The following LARP1 variants were observed in gnomAD, a reference collection of about 807,000 sequenced individuals.
LARP1 encodes the protein la-related protein 1.
Under a neutral mutation model 122.7 loss-of-function variants are expected in LARP1, and 36 were observed. That is an observed-to-expected ratio of 0.29 (90% CI 0.22 to 0.39). The LOEUF is 0.39. LARP1 is among the 10% of genes least tolerant of loss of function. The probability of loss-of-function intolerance (pLI) is 1.00; values close to 1 mark genes in which losing one functional copy is unlikely to be tolerated. For missense variants in LARP1, 1,040 were observed against 1,403.6 expected (o/e 0.74, Z 4.14); for synonymous variants, 539 against 528.7 (o/e 1.02, Z -0.27).
chr5:154,804,042 C>T (rs1371017558), intron 13 of LARP1, among the ~76,000 whole-genome samples, 159 bp from the exon 14 acceptor site: 1 of 152,146 alleles, frequency 6.6e-6, no homozygotes, highest in African/African-American at 2.4e-5. Flanking sequence ...ATAGGCATAC[C>T]AGTTCCTAGC....
chr5:154,777,849 T>A (rs74643014), intron 1 of LARP1, among the ~76,000 whole-genome samples: 6,657 of 152,220 alleles, frequency 0.044, 201 homozygotes, highest in Non-Finnish European at 0.065. Context: ...ATTAAAAAAA[T>A]ATATATAATA....
At chr5:154,800,948 T>C (rs1293136432) in intron 10 of LARP1, among the ~76,000 whole-genome samples, 1 of 152,240 alleles carries the variant, frequency 6.6e-6, no homozygotes, top group African/African-American at 2.4e-5. Flanking sequence ...AGAAAGGTAG[T>C]AAGTAGATGA....
intron 7 of LARP1, among the ~76,000 whole-genome samples, 169 bp downstream of exon 7, chr5:154,794,431 G>A (rs1757586967): frequency 6.6e-6 from 1 of 152,176 alleles, no homozygotes; most frequent in African/African-American, 2.4e-5. Flanking sequence ...CATTCTCATT[G>A]TTTATTACAG....
chr5:154,794,013 C>T lies in LARP1; in HGVS notation c.1069+13C>T, dbSNP rs1757553284. 3 of 1,608,372 alleles carry T rather than the reference C, an allele frequency of 1.9e-6. No individual in the cohort carries two copies. The highest frequency in any genetic ancestry group is 1.1e-5 in the South Asian group (1 of 90,522). On this transcript the variant is annotated intron_variant, in intron 6 of 18. Transcript: ENST00000518297. ...GGTGGCACTCGAAGTACGTGAGGCC[C>T]CTTTGGGCTCCGGGATGTCCAAGGG...
intron 8 of LARP1, among the ~76,000 whole-genome samples, chr5:154,796,508 A>C (rs1428904208): frequency 6.6e-6 from 1 of 151,966 alleles, no homozygotes; most frequent in Non-Finnish European, 1.5e-5. Flanking sequence ...GTTCATCTGT[A>C]CTCCAAGTTT....
intron 1 of LARP1, among the ~76,000 whole-genome samples, chr5:154,756,845 T>C (rs1214018075): frequency 1.3e-5 from 2 of 152,098 alleles, no homozygotes; most frequent in African/African-American, 2.4e-5. Context: ...CCCGGGCACC[T>C]TCCGCCTTAA....
intron 1 of LARP1, among the ~76,000 whole-genome samples, chr5:154,718,063 G>A (rs905979690): frequency 1.3e-5 from 2 of 151,910 alleles, no homozygotes; most frequent in Non-Finnish European, 1.5e-5. Context: ...GACTACAGGT[G>A]TAGGCCACCA....
At chr5:154,797,218 GTTGTTTTTTTTTTT>G (rs1561617931) in intron 8 of LARP1, among the ~76,000 whole-genome samples, 19 of 66,238 alleles carry the variant, frequency 2.9e-4, no homozygotes. Flanking sequence ...TTTTGTTGTT[GTTGTTTTTTTTTTT>G]TTTTTTTTTT....
At chr5:154,714,917 C>T (rs1255584716) in intron 1 of LARP1, among the ~76,000 whole-genome samples, 6 of 152,174 alleles carry the variant, frequency 3.9e-5, no homozygotes, top group African/African-American at 9.7e-5. Flanking sequence ...CGGTGGCTCA[C>T]GCCTATAATC....
chr5:154,694,842 G>T (rs1297682207), intron 1 of LARP1, among the ~76,000 whole-genome samples: 2 of 150,284 alleles, frequency 1.3e-5, no homozygotes, highest in Non-Finnish European at 3.0e-5. Flanking sequence ...TTGGTTTATT[G>T]TTTTTTTTTA....
chr5:154,780,030 C>T (rs547473366), intron 1 of LARP1, among the ~76,000 whole-genome samples: 5 of 152,242 alleles, frequency 3.3e-5, no homozygotes, highest in Admixed American at 2.0e-4. Flanking sequence ...TTAGCAGCTC[C>T]TGGGAAGCAA....
At chr5:154,706,915 G>GA (rs1420820000) in intron 1 of LARP1, among the ~76,000 whole-genome samples, 1 of 151,884 alleles carries the variant, frequency 6.6e-6, no homozygotes, top group African/African-American at 2.4e-5. Flanking sequence ...CTTTGTCATT[G>GA]AAAAAAAGAA....
intron 1 of LARP1, among the ~76,000 whole-genome samples, chr5:154,745,621 G>A (rs910365619): frequency 1.3e-5 from 2 of 152,070 alleles, no homozygotes; most frequent in Non-Finnish European, 2.9e-5. Context: ...TGAGACTATC[G>A]AACACTTTCA....
At chr5:154,700,376 A>T (rs1346108803) in intron 1 of LARP1, among the ~76,000 whole-genome samples, 2 of 151,686 alleles carry the variant, frequency 1.3e-5, no homozygotes, top group Non-Finnish European at 2.9e-5. Flanking sequence ...TCATCTTATA[A>T]AATATTGTGG....
chr5:154,700,131 G>A (rs1203922099), intron 1 of LARP1, among the ~76,000 whole-genome samples: 1 of 151,858 alleles, frequency 6.6e-6, no homozygotes, highest in Non-Finnish European at 1.5e-5. Flanking sequence ...ATTTTGACAG[G>A]TGCAAAAAAA....
At chr5:154,761,170 CT>C (rs1391763041) in intron 1 of LARP1, among the ~76,000 whole-genome samples, 1 of 152,212 alleles carries the variant, frequency 6.6e-6, no homozygotes, top group Non-Finnish European at 1.5e-5. Flanking sequence ...TGGGAGGCAG[CT>C]TTCATCGGGA....
At chr5:154,808,968 G>C (rs576194101) in intron 16 of LARP1, among the ~76,000 whole-genome samples, 1 of 152,024 alleles carries the variant, frequency 6.6e-6, no homozygotes, top group Non-Finnish European at 1.5e-5. Context: ...GCTGGCCTAC[G>C]TTATAATATT....
rs1039191058 is a variant in LARP1 at position 154,814,922 on chromosome 5, A to G, written c.*826A>G. The G allele has an allele frequency of 1.3e-5, 2 of 152,470 alleles. No individual in the cohort carries two copies. Among genetic ancestry groups the G allele is most frequent in the Non-Finnish European group, 2.9e-5 (2 of 67,994 alleles). 9.4% of individuals were successfully genotyped at this position (152,470 alleles called of 1,614,324 possible). On this transcript the variant is annotated 3_prime_UTR_variant, in exon 19 of 19. Transcript: ENST00000518297. ...ACCAAAAAAAAAAAAAAAATCAGAA[A>G]ACCCCCACCTAATCCACAGAAAGTA...
At chr5:154,784,970 C>T (rs1008181287) in intron 1 of LARP1, among the ~76,000 whole-genome samples, 4 of 152,192 alleles carry the variant, frequency 2.6e-5, no homozygotes, top group Non-Finnish European at 5.9e-5. Context: ...CTTTTCTGTT[C>T]TGAGTAAAAA....
Sources: gnomAD v4.1 joint callset for allele counts (sites outside exome capture counted in the v4.1 genomes callset) on GRCh38, gnomAD v4.1.1 for gene constraint, MANE v1.5 for transcripts, NCBI Gene and HGNC (gene_info 2026-07-23, HGNC 2026-07-21) for gene names.